COMMD8: variants seen among roughly 807,000 people sequenced by gnomAD.
COMMD8 encodes the protein COMM domain containing 8.
Under a neutral mutation model 27.2 loss-of-function variants are expected in COMMD8, and 28 were observed. That is an observed-to-expected ratio of 1.03 (90% CI 0.76 to 1.41). COMMD8 has a LOEUF of 1.41. COMMD8 is among the 40% of genes most tolerant of loss of function. COMMD8 has a pLI of 0.00. For missense variants in COMMD8, 217 were observed against 211.2 expected, an observed-to-expected ratio of 1.03 and a Z score of -0.17; for synonymous variants, 79 against 75.5, an observed-to-expected ratio of 1.05 and a Z score of -0.24.
intron 3 of COMMD8, among the ~76,000 whole-genome samples, chr4:47,456,267 C>CATATATATAT (rs34279197): frequency 0.014 from 1,631 of 118,662 alleles, 28 homozygotes; most frequent in East Asian, 0.044. Flanking sequence ...ATAAATTATA[C>CATATATATAT]ATATATATAT....
At chr4:47,457,855 A>C (rs1051197486) in intron 2 of COMMD8, among the ~76,000 whole-genome samples, 1 of 151,206 alleles carries the variant, frequency 6.6e-6, no homozygotes, top group African/African-American at 2.4e-5. Flanking sequence ...AAAAAAAAAA[A>C]CACCTAGGCC....
intron 2 of COMMD8, 82 bp downstream of exon 2, chr4:47,460,061 TG>T: frequency 9.3e-7 from 1 of 1,074,032 alleles, no homozygotes; most frequent in Non-Finnish European, 1.4e-6. Context: ...TGATAGCCCT[TG>T]TATTATACAT....
chr4:47,452,117 G>A (rs924573455), intron 4 of COMMD8, among the ~76,000 whole-genome samples: 12 of 152,304 alleles, frequency 7.9e-5, no homozygotes, highest in South Asian at 2.1e-4. Context: ...GAGCAATAAC[G>A]AAGAAACATA....
At chr4:47,461,441 T>G (rs1730023156) in intron 1 of COMMD8, among the ~76,000 whole-genome samples, 1 of 152,202 alleles carries the variant, frequency 6.6e-6, no homozygotes, top group African/African-American at 2.4e-5. Flanking sequence ...AACTGAATTT[T>G]TATTTACCAT....
At chr4:47,452,484 C>T (rs977963417) in intron 4 of COMMD8, among the ~76,000 whole-genome samples, 1 of 152,054 alleles carries the variant, frequency 6.6e-6, no homozygotes, top group African/African-American at 2.4e-5. Flanking sequence ...ACGAGCATTG[C>T]AGCAAAAGAA....
chr4:47,460,065 T>C, intron 2 of COMMD8, 79 bp downstream of exon 2: 1 of 1,169,218 alleles, frequency 8.6e-7, no homozygotes, highest in Middle Eastern at 2.6e-4. Flanking sequence ...AGCCCTTGTA[T>C]TATACATTGC....
intron 2 of COMMD8, among the ~76,000 whole-genome samples, chr4:47,458,883 G>A (rs890368196): frequency 1.3e-5 from 2 of 152,044 alleles, no homozygotes; most frequent in Non-Finnish European, 2.9e-5. Context: ...AGGGCCACTT[G>A]ATTTACAATA....
At position 47,463,652 on chromosome 4, in the gene COMMD8, C is replaced by T; in HGVS notation, c.-1G>A. ...AGGGCGTCCCCTCTTCCGGCTCCATCCCTGCGCGAAGCTGGGGCTTGGGTC... is the reference window on the plus strand; with the variant it reads ...AGGGCGTCCCCTCTTCCGGCTCCATTCCTGCGCGAAGCTGGGGCTTGGGTC... On this transcript the variant is annotated 5_prime_UTR_variant, in exon 1 of 5. Coordinates refer to ENST00000381571, the MANE Select transcript of COMMD8 (RefSeq NM_017845.5). 2 of 1,548,784 alleles carry T rather than the reference C, an allele frequency of 1.3e-6. No homozygotes were observed. Among genetic ancestry groups the T allele is most frequent in the Non-Finnish European group, 1.7e-6 (2 of 1,146,000 alleles).
chr4:47,453,686 A>G (rs987743440), intron 3 of COMMD8, among the ~76,000 whole-genome samples: 4 of 152,226 alleles, frequency 2.6e-5, no homozygotes, highest in Non-Finnish European at 4.4e-5. Flanking sequence ...ACCATCTTCA[A>G]TTAGAGCCAC....
chr4:47,460,069 A>G, intron 2 of COMMD8, 75 bp downstream of exon 2: 1 of 1,207,856 alleles, frequency 8.3e-7, no homozygotes, highest in Non-Finnish European at 1.2e-6. Context: ...CTTGTATTAT[A>G]CATTGCTCTA....
chr4:47,456,715 C>A lies in COMMD8; in HGVS notation c.237G>T (p.Leu79Phe). ...CTTGATGAAGTGAATTCAACTGATT[C>A]AACTGCTGAAATATCTATAAAAATA... ...NLPDEEIFQQ[L>F]NQLNSLHQET... The change falls in exon 3 of 5, where the codon TTG (leucine) becomes TTT (phenylalanine). Residue 79 changes from leucine (L) to phenylalanine (F), a missense_variant. Transcript: ENST00000381571. 1.3e-6 allele frequency: 2 copies of A among 1,579,898 alleles called. No individual in the cohort carries two copies. The highest frequency in any genetic ancestry group is 2.4e-5 in the East Asian group (1 of 42,118).
chr4:47,456,571 T>G lies in COMMD8; in HGVS notation c.375+6A>C, dbSNP rs768936330. ...ATAAAAAATACACATACTCATAGAC[T>G]CTTACCTTTACCTGCCAATCAAAAT... On this transcript the variant is annotated splice_donor_region_variant and intron_variant, in intron 3 of 4. Coordinates refer to ENST00000381571, the MANE Select transcript of COMMD8 (RefSeq NM_017845.5). 1 of 1,601,026 alleles carries G rather than the reference T, an allele frequency of 6.2e-7. No homozygotes were observed. The highest frequency in any genetic ancestry group is 8.5e-7 in the Non-Finnish European group (1 of 1,174,500).
At chr4:47,462,186 T>G (rs1489680015) in intron 1 of COMMD8, among the ~76,000 whole-genome samples, 1 of 152,154 alleles carries the variant, frequency 6.6e-6, no homozygotes, top group African/African-American at 2.4e-5. Context: ...TTTCCATATA[T>G]TTGCTAACAG....
intron 1 of COMMD8, among the ~76,000 whole-genome samples, chr4:47,462,142 C>G (rs558536404): frequency 6.6e-6 from 1 of 152,116 alleles, no homozygotes; most frequent in Admixed American, 6.6e-5. Flanking sequence ...CTGTGCTCAA[C>G]CGGGAAGCAA....
chr4:47,460,087 CAGAG>C (rs1298988558), intron 2 of COMMD8, 53 bp downstream of exon 2: 2 of 1,470,374 alleles, frequency 1.4e-6, no homozygotes, highest in African/African-American at 2.8e-5. Context: ...CTAAAAAACT[CAGAG>C]AGAAACCTGA....
intron 1 of COMMD8, among the ~76,000 whole-genome samples, chr4:47,461,265 G>A (rs1730019201): frequency 6.6e-6 from 1 of 152,102 alleles, no homozygotes; most frequent in African/African-American, 2.4e-5. Context: ...ATTTAATAAG[G>A]TTATCTTTCT....
intron 4 of COMMD8, 150 bp from the exon 5 acceptor site, chr4:47,451,815 T>G: frequency 1.8e-6 from 1 of 564,386 alleles, no homozygotes; most frequent in African/African-American, 2.0e-5. Context: ...ATATGCCTGC[T>G]GGAATCTACG....
chr4:47,459,247 TAAC>T (rs1247392753), intron 2 of COMMD8, among the ~76,000 whole-genome samples: 1 of 152,162 alleles, frequency 6.6e-6, no homozygotes, highest in Non-Finnish European at 1.5e-5. Flanking sequence ...TACATATTTC[TAAC>T]AATGAGCTTA....
intron 3 of COMMD8, among the ~76,000 whole-genome samples, 175 bp downstream of exon 3, chr4:47,456,402 A>G (rs1729890985): frequency 6.7e-6 from 1 of 150,226 alleles, no homozygotes; most frequent in Non-Finnish European, 1.5e-5. Flanking sequence ...CATGGCTTAG[A>G]TGTTTGTAGT....
Sources: allele counts gnomAD v4.1 joint callset (sites outside exome capture counted in the v4.1 genomes callset), GRCh38; gene constraint gnomAD v4.1.1; transcripts MANE v1.5; gene names NCBI Gene and HGNC (gene_info 2026-07-23, HGNC 2026-07-21).